RIC3: variants seen among roughly 807,000 people sequenced by gnomAD.
RIC3 encodes RIC3 acetylcholine receptor chaperone.
RIC3 carries 28 observed loss-of-function variants against 27.3 expected under a neutral mutation model. The ratio of observed to expected loss-of-function variants is 1.02; its 90% CI spans 0.76 to 1.41. RIC3 has a LOEUF of 1.41. RIC3 is among the 40% of genes most tolerant of loss of function. The probability of loss-of-function intolerance (pLI) is 0.00; values close to 1 mark genes in which losing one functional copy is unlikely to be tolerated. For missense variants in RIC3, 501 were observed against 444.7 expected (o/e 1.13, Z -1.14); for synonymous variants, 184 against 160.4 (o/e 1.15, Z -1.11).
chr11:8,109,434 G>C lies in RIC3; in HGVS notation c.*1264C>G, dbSNP rs1313694386. The C allele has an allele frequency of 6.6e-6, 1 of 152,026 alleles. No homozygotes were observed. Among genetic ancestry groups the C allele is most frequent in the Admixed American group, 6.6e-5 (1 of 15,248 alleles). 9.4% of individuals were successfully genotyped at this position (152,026 alleles called of 1,614,324 possible). On this transcript the variant is annotated 3_prime_UTR_variant, in exon 6 of 6. Coordinates refer to ENST00000309737, the MANE Select transcript of RIC3 (RefSeq NM_001206671.4). ...TCTTGTCTCAAGAAGACACACGTCA[G>C]ATGCAGTAAGGAGAAAAGGCCTTTA...
intron 5 of RIC3, among the ~76,000 whole-genome samples, chr11:8,122,011 C>T (rs1045778646): frequency 9.9e-5 from 15 of 152,096 alleles, no homozygotes; most frequent in Non-Finnish European, 1.5e-5. Context: ...GGAGGATCGC[C>T]TGAGTCCCAG....
rs1281230636 is a variant in RIC3, at chr11:8,107,430, C to T, written c.*3268G>A. The T allele has an allele frequency of 6.6e-6, 1 of 152,174 alleles. No individual in the cohort carries two copies. The highest frequency in any genetic ancestry group is 1.5e-5 in the Non-Finnish European group (1 of 68,030). The allele number at this position is 152,174 out of a possible 1,614,324, so 9.4% of individuals were successfully genotyped here. A position where few individuals can be genotyped will look rare whatever the true frequency, so the allele number is the denominator to read the frequency against. ...GGAAAGAGGGTTTTGTTTGTTTAGT[C>T]ATCAGGTTCAAAAATCTTAAATGGC... On this transcript the variant is annotated 3_prime_UTR_variant, in exon 6 of 6. Coordinates refer to ENST00000309737, the MANE Select transcript of RIC3 (RefSeq NM_001206671.4).
the RIC3 span, among the ~76,000 whole-genome samples, chr11:8,099,776 T>C: frequency 6.6e-6 from 1 of 152,036 alleles, no homozygotes; most frequent in African/African-American, 2.4e-5. Context: ...GTCACTGAGG[T>C]AGCTCTTGAG....
chr11:8,123,125 A>G (rs182835326), intron 5 of RIC3, among the ~76,000 whole-genome samples: 4 of 152,262 alleles, frequency 2.6e-5, no homozygotes, highest in East Asian at 3.9e-4. Flanking sequence ...GGTTAGATAC[A>G]GTAGAAGAAG....
At chr11:8,139,843 G>C in intron 2 of RIC3, 124 bp downstream of exon 2, 1 of 826,752 alleles carries the variant, frequency 1.2e-6, no homozygotes, top group South Asian at 1.8e-5. Context: ...GAGGAGGCAG[G>C]ATTTAAAGAG....
rs267603218 is a variant in RIC3 at position 8,139,992 on chromosome 11, A to G, written c.326T>C (p.Leu109Ser). 4.3e-6 allele frequency: 7 copies of G among 1,613,812 alleles called. No individual in the cohort carries two copies. Among genetic ancestry groups the G allele is most frequent in the Non-Finnish European group, 5.9e-6 (7 of 1,179,872 alleles). Residue 109 changes from leucine to serine, a missense_variant, in exon 2 of 6, where the codon TTA (leucine) becomes TCA (serine). Physicochemically the swap from Leu to Ser is moderately radical, Grantham distance 145 (BLOSUM62 -2). Transcript: ENST00000309737. The stretch of plus-strand genomic sequence containing the variant: ...CTTAAATAGAATGTACAGTATATAT[A>G]AAAAAATCCCAAAACCGTAGATTGG... ...IIPIYGFGIFLYILYILFKLS... is the reference protein window; with the variant it reads ...IIPIYGFGIFSYILYILFKLS...
At chr11:8,127,018 T>C (rs1474645821) in intron 4 of RIC3, 7 of 601,496 alleles carry the variant, frequency 1.2e-5, no homozygotes, top group African/African-American at 3.7e-5. Context: ...AAGCCCAGAA[T>C]AGATCAAGTG....
chr11:8,119,325 T>C (rs1293725882), intron 5 of RIC3, among the ~76,000 whole-genome samples: 2 of 152,186 alleles, frequency 1.3e-5, no homozygotes, highest in Non-Finnish European at 2.9e-5. Flanking sequence ...CAAAACAGCA[T>C]GGTACTGGTA....
intron 1 of RIC3, among the ~76,000 whole-genome samples, chr11:8,163,232 A>G (rs1421793628): frequency 2.6e-5 from 4 of 152,052 alleles, no homozygotes; most frequent in Admixed American, 6.6e-5. Context: ...AGTATTTGAT[A>G]AAATTCAATA....
intron 4 of RIC3, among the ~76,000 whole-genome samples, chr11:8,133,819 T>G (rs1008380004): frequency 6.6e-6 from 1 of 152,134 alleles, no homozygotes; most frequent in African/African-American, 2.4e-5. Context: ...AGATAGATGA[T>G]GTACATGGAC....
chr11:8,104,558 G>C (rs755686663), downstream of RIC3: 1 of 152,146 alleles, frequency 6.6e-6, no homozygotes, highest in Admixed American at 6.5e-5. Context: ...TGTTATGATC[G>C]CCTGTGGATT....
At chr11:8,101,938 T>G, downstream of RIC3, 1 of 352,242 alleles carries the variant, frequency 2.8e-6, no homozygotes, top group Non-Finnish European at 5.2e-6. Flanking sequence ...CCTCTTCAGC[T>G]GGGAAGGCCG....
At position 8,129,779 on chromosome 11, in the gene RIC3, A is replaced by G. The variant is rs115344169; in HGVS notation, c.522-2972T>C. On this transcript the variant is annotated intron_variant, in intron 4 of 5. Transcript: ENST00000309737. ...TCAGGATACTGCAGCAGAGTCTGAT[A>G]TGCCTCAAAGATTTGGTGATCTCAC... 7.4e-3 allele frequency among the ~76,000 whole-genome samples: 1,126 copies of G among 152,362 alleles called. 14 individuals are homozygous for G. The highest frequency in any genetic ancestry group is 0.025 in the African/African-American group (1,049 of 41,580).
At chr11:8,167,495 A>G (rs1007037051) in intron 1 of RIC3, among the ~76,000 whole-genome samples, 35 of 152,272 alleles carry the variant, frequency 2.3e-4, no homozygotes, top group Admixed American at 5.2e-4. Context: ...AGATCCTAAC[A>G]TGAGAACACT....
chr11:8,146,832 G>A (rs1949729527), intron 1 of RIC3, among the ~76,000 whole-genome samples: 1 of 152,180 alleles, frequency 6.6e-6, no homozygotes, highest in African/African-American at 2.4e-5. Flanking sequence ...TCAACAGACA[G>A]GAAATGTTTA....
the RIC3 span, chr11:8,097,630 G>A: frequency 1.8e-5 from 24 of 1,355,246 alleles, no homozygotes; most frequent in African/African-American, 1.3e-4. Context: ...CTGACGCAAC[G>A]GAGAGAGTCT....
At chr11:8,131,955 T>C (rs926671196) in intron 4 of RIC3, among the ~76,000 whole-genome samples, 23 of 150,928 alleles carry the variant, frequency 1.5e-4, no homozygotes, top group Non-Finnish European at 2.8e-4. Context: ...CAATAAGTAT[T>C]TCCTTAGTAC....
At chr11:8,094,441 G>C in the RIC3 span, among the ~76,000 whole-genome samples, 6 of 152,264 alleles carry the variant, frequency 3.9e-5, no homozygotes, top group East Asian at 9.7e-4. Flanking sequence ...CTGTGGCCCA[G>C]AACCACCGTC....
intron 2 of RIC3, 130 bp from the exon 3 acceptor site, chr11:8,138,477 C>G: frequency 3.7e-6 from 2 of 539,214 alleles, no homozygotes; most frequent in Non-Finnish European, 6.5e-6. Flanking sequence ...AATAGCAACA[C>G]TAGAGAAATA....
Sources: gnomAD v4.1 joint callset for allele counts (sites outside exome capture counted in the v4.1 genomes callset) on GRCh38, gnomAD v4.1.1 for gene constraint, MANE v1.5 for transcripts, NCBI Gene and HGNC (gene_info 2026-07-23, HGNC 2026-07-21) for gene names.